Variants in TMEM8B observed in about 807,000 individuals in gnomAD.
TMEM8B encodes the protein transmembrane protein 8B.
Under a neutral mutation model 49.3 loss-of-function variants are expected in TMEM8B, and 29 were observed. The observed-to-expected ratio is 0.59, with a 90% CI of 0.44 to 0.80. The LOEUF (loss-of-function observed/expected upper bound fraction) is 0.80. Among genes scored for constraint, TMEM8B ranks in the 30% least tolerant of loss-of-function variants. TMEM8B has a pLI of 0.00. For missense variants in TMEM8B, 575 were observed against 658.5 expected (o/e 0.87, Z 1.39); for synonymous variants, 264 against 272.8 (o/e 0.97, Z 0.32).
In TMEM8B at chr9:35,841,438, A is replaced by G. The variant is rs143684723; in HGVS notation, c.1041-88A>G. 15 of 410,778 alleles carry G rather than the reference A, an allele frequency of 3.7e-5. No homozygotes were observed. In the Middle Eastern group the frequency reaches 1.2e-3, roughly 34 times the overall value. The allele number at this position is 410,778 out of a possible 1,614,324, so 25.4% of individuals were successfully genotyped here. On this transcript the variant is annotated intron_variant, in intron 4 of 12. Transcript: ENST00000643932. The surrounding 1 kb of genome is among the most constrained non-coding windows in gnomAD (Gnocchi z 5.9). ...CCTGAACAGGCCTCCTTCCCACCCT[A>G]TGCCCCCTCCTTCCTAGTGCTTCCC...
rs1017891527 is a variant in TMEM8B, at chr9:35,841,629, G to T, written c.1144G>T (p.Ala382Ser). The change falls in exon 5 of 13, where the codon GCC (alanine) becomes TCC (serine). Residue 382 changes from alanine (A) to serine (S), a missense_variant. Transcript: ENST00000643932. This position sits in a 1 kb window ranked among gnomAD's most constrained non-coding sequence, Gnocchi z 5.9. ...CCTGTCACTGCGTCTGCGTCCCAAAGCCCCACCCCTGCACAACTCAAGCTC... is the reference window on the plus strand; with the variant it reads ...CCTGTCACTGCGTCTGCGTCCCAAATCCCCACCCCTGCACAACTCAAGCTC... Reference protein sequence around the residue: ...CPLSLRLRPKAPPLHNSSSVA... With the variant: ...CPLSLRLRPKSPPLHNSSSVA... The T allele has an allele frequency of 5.5e-5, 23 of 416,274 alleles. No individual in the cohort carries two copies. The highest frequency in any genetic ancestry group is 7.1e-5 in the Non-Finnish European group (16 of 226,860). 25.8% of individuals were successfully genotyped at this position (416,274 alleles called of 1,614,324 possible). A position where few individuals can be genotyped will look rare whatever the true frequency, so the allele number is the denominator to read the frequency against.
chr9:35,844,264 C>T (rs1831295426), intron 6 of TMEM8B, among the ~76,000 whole-genome samples: 1 of 152,250 alleles, frequency 6.6e-6, no homozygotes, highest in African/African-American at 2.4e-5. Context: ...GGGCCTTCTC[C>T]ACTTTGTGTA....
At position 35,854,065 on chromosome 9, in the gene TMEM8B, G is replaced by A; in HGVS notation, c.*225G>A. The stretch of plus-strand genomic sequence containing the variant: ...CATGGAGTCCTTCTTAAGGACTGGA[G>A]CCTATGCAGGCACAGAGTCCCTCAG... On this transcript the variant is annotated 3_prime_UTR_variant, in exon 13 of 13. Coordinates refer to ENST00000643932, the MANE Select transcript of TMEM8B (RefSeq NM_001042590.4). 7.9e-7 allele frequency: 1 copy of A among 1,260,626 alleles called. No homozygotes were observed. Among genetic ancestry groups the A allele is most frequent in the Non-Finnish European group, 1.0e-6 (1 of 1,002,986 alleles). The allele number at this position is 1,260,626 out of a possible 1,614,324, so 78.1% of individuals were successfully genotyped here.
At position 35,846,034 on chromosome 9, in the gene TMEM8B, G is replaced by T. The variant is rs754579557; in HGVS notation, c.1695G>T (p.Leu565Phe). The stretch of plus-strand genomic sequence containing the variant: ...GATGCTTGACTCACGAGGTGCCCTT[G>T]AGCCTGGGGGATGCAGCAGTGACCT... ...VFGCLTHEVP[L>F]SLGDAAVTCS... Residue 565 changes from leucine (L) to phenylalanine (F), a missense_variant, in exon 7 of 13, where the codon TTG (leucine) becomes TTT (phenylalanine). Coordinates refer to ENST00000643932, the MANE Select transcript of TMEM8B (RefSeq NM_001042590.4). 4 of 1,613,988 alleles carry T rather than the reference G, an allele frequency of 2.5e-6. No homozygotes were observed. The highest frequency in any genetic ancestry group is 2.5e-6 in the Non-Finnish European group (3 of 1,180,006).
At chr9:35,849,889 C>T (rs1831983300) in intron 10 of TMEM8B, among the ~76,000 whole-genome samples, 2 of 152,220 alleles carry the variant, frequency 1.3e-5, no homozygotes, top group South Asian at 4.1e-4. Context: ...GTGTATCCAT[C>T]ACAGTGCTCC....
At chr9:35,840,405 A>G (rs1244430527) in intron 3 of TMEM8B, among the ~76,000 whole-genome samples, 1 of 152,134 alleles carries the variant, frequency 6.6e-6, no homozygotes, top group Non-Finnish European at 1.5e-5. Flanking sequence ...CTGATTGATT[A>G]ATTCAGCAAA....
intron 1 of TMEM8B, among the ~76,000 whole-genome samples, chr9:35,832,351 C>A (rs1015771937): frequency 6.6e-6 from 1 of 152,084 alleles, no homozygotes; most frequent in African/African-American, 2.4e-5. Context: ...CTGTTCAAAC[C>A]GCAAACCAAA....
At chr9:35,846,786 C>T in intron 9 of TMEM8B, 31 bp from the exon 10 acceptor site, 1 of 1,597,012 alleles carries the variant, frequency 6.3e-7, no homozygotes. Flanking sequence ...GCCGTCTGTT[C>T]TCTTCCATTC....
At chr9:35,830,447 T>C (rs1829760245) in intron 1 of TMEM8B, among the ~76,000 whole-genome samples, 1 of 152,214 alleles carries the variant, frequency 6.6e-6, no homozygotes, top group East Asian at 1.9e-4. Flanking sequence ...AGTTTTCTTC[T>C]TGTAATGATT....
At chr9:35,836,322 T>C (rs1416921614) in intron 3 of TMEM8B, among the ~76,000 whole-genome samples, 5 of 152,096 alleles carry the variant, frequency 3.3e-5, no homozygotes, top group Non-Finnish European at 7.4e-5. Flanking sequence ...GAAAGGGCCC[T>C]AGGTTCTAGG....
chr9:35,837,752 T>G (rs1341966036), intron 3 of TMEM8B, among the ~76,000 whole-genome samples: 1 of 152,116 alleles, frequency 6.6e-6, no homozygotes, highest in East Asian at 1.9e-4. Flanking sequence ...TTCACGTCCT[T>G]TCCTTGTCCC....
chr9:35,852,722 C>G, intron 10 of TMEM8B, 105 bp from the exon 11 acceptor site: 1 of 1,329,488 alleles, frequency 7.5e-7, no homozygotes. Flanking sequence ...CCTTTCACCT[C>G]TGCTGCACTG....
In TMEM8B at chr9:35,846,980, C is replaced by T. The variant is rs1831659597; in HGVS notation, c.2160C>T (p.Thr720=). ...YVLEAAVYTF[T]MFFSTFYHAC... ...TGGAAGCTGCAGTCTACACCTTCAC[C>T]ATGTTCTTCTCCACGGTATGCGGTG... is the stretch of plus-strand genomic sequence containing the variant. The change falls in exon 10 of 13, where the codon ACC becomes ACT. Residue 720 remains threonine, a synonymous_variant. Coordinates refer to ENST00000643932, the MANE Select transcript of TMEM8B (RefSeq NM_001042590.4). 6.2e-7 allele frequency: 1 copy of T among 1,614,200 alleles called. No homozygotes were observed. The highest frequency in any genetic ancestry group is 2.2e-5 in the East Asian group (1 of 44,882).
chr9:35,855,185 C>T lies in TMEM8B; in HGVS notation c.*1345C>T, dbSNP rs1329867495. ...TTGGCTATGCAGACACACCTTGAAG[C>T]TGTTTCTGCTCTGGGTTTTGACAGA... On this transcript the variant is annotated 3_prime_UTR_variant, in exon 13 of 13. Transcript: ENST00000643932. 1 of 152,240 alleles carries T rather than the reference C, an allele frequency of 6.6e-6. No homozygotes were observed. The highest frequency in any genetic ancestry group is 1.5e-5 in the Non-Finnish European group (1 of 68,058). The allele number at this position is 152,240 out of a possible 1,614,324, so 9.4% of individuals were successfully genotyped here. A position where few individuals can be genotyped will look rare whatever the true frequency, so the allele number is the denominator to read the frequency against.
chr9:35,843,333 A>G lies in TMEM8B; in HGVS notation c.1635+616A>G, dbSNP rs74931641. ...TATTAATATCTTACATTAGTATGATATATTTATTACATCCCAGTCCTATTT... is the reference window on the plus strand; with the variant it reads ...TATTAATATCTTACATTAGTATGATGTATTTATTACATCCCAGTCCTATTT... On this transcript the variant is annotated intron_variant, in intron 6 of 12. Transcript: ENST00000643932. 9.3e-4 allele frequency among the ~76,000 whole-genome samples: 141 copies of G among 152,308 alleles called. No individual in the cohort carries two copies. The East Asian group carries it at 0.024, about 26-fold the overall frequency.
At chr9:35,845,755 C>T (rs1385274472) in intron 6 of TMEM8B, 8 of 985,266 alleles carry the variant, frequency 8.1e-6, no homozygotes, top group South Asian at 4.7e-5. Context: ...TGGGCCTTGC[C>T]GTCTCATCAG....
intron 3 of TMEM8B, among the ~76,000 whole-genome samples, chr9:35,836,241 T>G (rs917892263): frequency 2.6e-5 from 4 of 152,170 alleles, no homozygotes; most frequent in African/African-American, 9.7e-5. Context: ...GAGAGTGATG[T>G]GGATGTGCAA....
chr9:35,845,503 A>C (rs1831433122), intron 6 of TMEM8B: 1 of 985,304 alleles, frequency 1.0e-6, no homozygotes, highest in African/African-American at 1.7e-5. Flanking sequence ...GCATTCTGTT[A>C]CCACTGTTCA....
In TMEM8B at chr9:35,852,982, A is replaced by G. The variant is rs1417487915; in HGVS notation, c.2322+9A>G. On this transcript the variant is annotated intron_variant, in intron 11 of 12. Coordinates refer to ENST00000643932, the MANE Select transcript of TMEM8B (RefSeq NM_001042590.4). ...AGCCCGTGGTCAAGCAGGTCAGTCCAGAGTGGGCCCTGGGGAACAACCATG... is the reference window on the plus strand; with the variant it reads ...AGCCCGTGGTCAAGCAGGTCAGTCCGGAGTGGGCCCTGGGGAACAACCATG... 3 of 1,614,030 alleles carry G rather than the reference A, an allele frequency of 1.9e-6. No individual in the cohort carries two copies.
Sources: gnomAD v4.1 joint callset for allele counts (sites outside exome capture counted in the v4.1 genomes callset) on GRCh38, gnomAD v4.1.1 for gene constraint, Gnocchi (gnomAD v3.1) non-coding constraint, MANE v1.5 for transcripts, NCBI Gene and HGNC (gene_info 2026-07-23, HGNC 2026-07-21) for gene names.